The following PTPRZ1 variants were observed in gnomAD, a reference collection of about 807,000 sequenced individuals.
The protein encoded by PTPRZ1 is protein tyrosine phosphatase receptor type Z1.
Under a neutral mutation model 214.1 loss-of-function variants are expected in PTPRZ1, and 82 were observed. That is an observed-to-expected ratio of 0.38 (90% CI 0.32 to 0.46). The LOEUF is 0.46. Among genes scored for constraint, PTPRZ1 ranks in the 20% least tolerant of loss-of-function variants. PTPRZ1 has a pLI of 1.00. For synonymous variants in PTPRZ1, 945 were observed against 987.9 expected, an observed-to-expected ratio of 0.96 and a Z score of 0.81; for missense variants, 2,603 against 2,748.7, an observed-to-expected ratio of 0.95 and a Z score of 1.19.
At chr7:121,968,275 A>C (rs1275024809) in intron 3 of PTPRZ1, 145 bp downstream of exon 3, 1 of 601,344 alleles carries the variant, frequency 1.7e-6, no homozygotes, top group African/African-American at 1.9e-5. Flanking sequence ...GAGCAGAGAA[A>C]ATGGGAAATT....
chr7:122,023,405 T>C (rs908288034), intron 13 of PTPRZ1, among the ~76,000 whole-genome samples: 2 of 149,044 alleles, frequency 1.3e-5, no homozygotes, highest in African/African-American at 4.9e-5. Flanking sequence ...CACTAGATCA[T>C]CTTTAAGATT....
At chr7:121,954,934 G>A (rs889898573) in intron 2 of PTPRZ1, among the ~76,000 whole-genome samples, 7 of 152,230 alleles carry the variant, frequency 4.6e-5, no homozygotes, top group African/African-American at 1.4e-4. Flanking sequence ...GAGATCTGAT[G>A]TAAGAGTATT....
Position 122,034,416 on chromosome 7 carries a change from A to G in PTPRZ1, c.5284+38A>G, listed in dbSNP as rs757845438. On this transcript the variant is annotated intron_variant, in intron 17 of 29. Transcript: ENST00000393386. The stretch of plus-strand genomic sequence containing the variant: ...TTAAATCAGCTCTGACTTCAATATC[A>G]TTGCCATTTTGGTGCCTTTTAAAAG... 15 of 1,585,644 alleles carry G rather than the reference A, an allele frequency of 9.5e-6. No individual in the cohort carries two copies. The South Asian group carries it at 1.6e-4, about 17-fold the overall frequency.
At chr7:122,019,501 G>A (rs990973838) in intron 13 of PTPRZ1, among the ~76,000 whole-genome samples, 2 of 152,046 alleles carry the variant, frequency 1.3e-5, no homozygotes. Flanking sequence ...ATTTAACACA[G>A]TATTTTGACA....
At chr7:121,992,427 C>T (rs1188969088) in intron 8 of PTPRZ1, among the ~76,000 whole-genome samples, 1 of 152,106 alleles carries the variant, frequency 6.6e-6, no homozygotes, top group African/African-American at 2.4e-5. Context: ...AGCACCGGTT[C>T]CACAGATCAC....
intron 2 of PTPRZ1, among the ~76,000 whole-genome samples, chr7:121,957,354 G>T (rs996917314): frequency 1.2e-4 from 19 of 152,136 alleles, no homozygotes; most frequent in African/African-American, 4.6e-4. Flanking sequence ...TAGGTGCTGG[G>T]TGTGGGATGC....
intron 18 of PTPRZ1, 134 bp downstream of exon 18, chr7:122,036,816 C>G (rs981399214): frequency 1.1e-5 from 7 of 618,670 alleles, no homozygotes; most frequent in Non-Finnish European, 1.9e-5. Context: ...GGTAAAGTAA[C>G]AGTAAATAAT....
At chr7:122,021,304 A>G (rs957315139) in intron 13 of PTPRZ1, among the ~76,000 whole-genome samples, 1 of 152,212 alleles carries the variant, frequency 6.6e-6, no homozygotes, top group Non-Finnish European at 1.5e-5. Flanking sequence ...GTGTCATTTC[A>G]TCTGCATTAT....
At chr7:121,873,664 G>C in intron 1 of PTPRZ1, 107 bp downstream of exon 1, 1 of 1,370,646 alleles carries the variant, frequency 7.3e-7, no homozygotes, top group Non-Finnish European at 1.0e-6. Context: ...ATCTAGCCAG[G>C]AGGAAAAAGG....
chr7:122,002,336 G>T (rs1401168631), intron 10 of PTPRZ1, among the ~76,000 whole-genome samples: 7 of 152,108 alleles, frequency 4.6e-5, no homozygotes, highest in Non-Finnish European at 1.0e-4. Context: ...AACACTTGGG[G>T]GTGCTCACCC....
At chr7:122,059,598 C>A in intron 28 of PTPRZ1, 155 bp from the exon 29 acceptor site, 1 of 796,624 alleles carries the variant, frequency 1.3e-6, no homozygotes, top group Non-Finnish European at 1.9e-6. Context: ...CAGATTAAAT[C>A]ATAGTTCTTT....
Position 122,053,934 on chromosome 7 carries a change from A to G in PTPRZ1, c.6277A>G (p.Ile2093Val). ...IMGYYQSNEF[I>V]ITQHPLLHTI... ...GGGCTATTACCAGAGCAATGAATTC[A>G]TCATTACCCAGCACCCTCTCCTTCA... Residue 2093 changes from isoleucine (I) to valine (V), a missense_variant, in exon 26 of 30, where the codon ATC becomes GTC. Around this residue, in one of 6 missense-constraint regions of PTPRZ1, gnomAD observed 134 missense variants for 183.3 expected, o/e 0.73. Coordinates refer to ENST00000393386, the MANE Select transcript of PTPRZ1 (RefSeq NM_002851.3). The G allele has an allele frequency of 6.2e-7, 1 of 1,613,110 alleles. No individual in the cohort carries two copies. Among genetic ancestry groups the G allele is most frequent in the South Asian group, 1.1e-5 (1 of 91,054 alleles).
At chr7:121,985,104 T>C (rs181758542) in intron 8 of PTPRZ1, among the ~76,000 whole-genome samples, 2 of 152,274 alleles carry the variant, frequency 1.3e-5, no homozygotes, top group South Asian at 2.1e-4. Context: ...CCAAGAATCG[T>C]TTATCCTTTA....
rs184181091 is a variant in PTPRZ1 at position 122,041,574 on chromosome 7, T to A, written c.5801+595T>A. 4.9e-4 allele frequency among the ~76,000 whole-genome samples: 74 copies of A among 152,338 alleles called. 2 individuals carry two copies. In the East Asian group the frequency reaches 0.014, roughly 29 times the overall value. ...AGACTAGGTTGATAAATAGAAATAA[T>A]GATGTTTCAATGAAAGAGGAAAAAT... On this transcript the variant is annotated intron_variant, in intron 21 of 29. Transcript: ENST00000393386.
At chr7:122,048,540 GA>G (rs1439492189) in intron 23 of PTPRZ1, among the ~76,000 whole-genome samples, 1 of 152,094 alleles carries the variant, frequency 6.6e-6, no homozygotes, top group Non-Finnish European at 1.5e-5. Context: ...TGAGGTGATG[GA>G]TGCCCCATTT....
At chr7:122,016,915 C>G (rs1034626306) in intron 12 of PTPRZ1, among the ~76,000 whole-genome samples, 10 of 152,062 alleles carry the variant, frequency 6.6e-5, no homozygotes, top group Non-Finnish European at 1.3e-4. Flanking sequence ...GAGGACTCGT[C>G]AAAACACAAA....
At chr7:122,044,387 T>G in intron 22 of PTPRZ1, 35 bp from the exon 23 acceptor site, 1 of 1,611,896 alleles carries the variant, frequency 6.2e-7, no homozygotes. Flanking sequence ...GAGGAAAACT[T>G]GAACTAATGT....
chr7:122,007,076 G>A (rs187654196), intron 11 of PTPRZ1, among the ~76,000 whole-genome samples: 65 of 152,174 alleles, frequency 4.3e-4, no homozygotes, highest in Non-Finnish European at 7.5e-4. Context: ...GGAGACAGGT[G>A]GAGAGAGGCT....
At chr7:122,047,545 C>G (rs967883877) in intron 23 of PTPRZ1, among the ~76,000 whole-genome samples, 2 of 151,898 alleles carry the variant, frequency 1.3e-5, no homozygotes, top group Non-Finnish European at 2.9e-5. Flanking sequence ...CATATAGGCT[C>G]TAAGGCTGGA....
Sources: gnomAD v4.1 joint callset for allele counts (sites outside exome capture counted in the v4.1 genomes callset) on GRCh38, gnomAD v4.1.1 for gene constraint, gnomAD v4.1.1 regional missense constraint, MANE v1.5 for transcripts, NCBI Gene and HGNC (gene_info 2026-07-23, HGNC 2026-07-21) for gene names.